The following MAP3K20 variants were observed in gnomAD, a reference collection of about 807,000 sequenced individuals.
MAP3K20 encodes the protein HCCS-4.
In MAP3K20, 40 loss-of-function variants were observed where a neutral mutation model predicts 85.7. That is an observed-to-expected ratio of 0.47 (90% confidence interval 0.36 to 0.61). The LOEUF is 0.61. Ranked by LOEUF, MAP3K20 falls within the 20% of genes least tolerant of loss-of-function variation. The pLI is 0.00. For missense variants in MAP3K20, 817 were observed against 961.7 expected (o/e 0.85, Z 1.99); for synonymous variants, 325 against 327.7 (o/e 0.99, Z 0.09).
chr2:173,122,308 C>T (rs1688318457), intron 2 of MAP3K20, among the ~76,000 whole-genome samples: 1 of 152,210 alleles, frequency 6.6e-6, no homozygotes, highest in African/African-American at 2.4e-5. Context: ...TCAGCTGGTA[C>T]CAATGTATCA....
chr2:173,167,005 C>T (rs1206506306), intron 2 of MAP3K20, among the ~76,000 whole-genome samples: 7 of 151,310 alleles, frequency 4.6e-5, no homozygotes, highest in Admixed American at 6.6e-5. Context: ...CTCCGCCTCC[C>T]GGGTTCACGC....
intron 16 of MAP3K20, among the ~76,000 whole-genome samples, chr2:173,242,092 G>A (rs1258020036): frequency 6.6e-6 from 1 of 151,748 alleles, no homozygotes; most frequent in African/African-American, 2.4e-5. Flanking sequence ...TTTAAGCTTT[G>A]TTATGGCTTG....
intron 2 of MAP3K20, among the ~76,000 whole-genome samples, chr2:173,099,797 A>AC (rs1687582580): frequency 6.6e-6 from 1 of 152,190 alleles, no homozygotes; most frequent in East Asian, 1.9e-4. Context: ...AGAAATTGCC[A>AC]CCTAAGTTTT....
intron 16 of MAP3K20, among the ~76,000 whole-genome samples, chr2:173,246,349 GCAAT>G (rs1181212443): frequency 6.6e-6 from 1 of 152,084 alleles, no homozygotes; most frequent in Admixed American, 6.5e-5. Flanking sequence ...TTTTGTTTTT[GCAAT>G]CAAAGTGCCC....
intron 1 of MAP3K20, among the ~76,000 whole-genome samples, chr2:173,088,424 T>A (rs1574000780): frequency 1.3e-5 from 2 of 152,338 alleles, no homozygotes; most frequent in South Asian, 4.1e-4. Context: ...ACTAAATTCT[T>A]GTCTTCCACA....
rs767333154 is a variant in MAP3K20, at chr2:173,258,721, T to C, written c.1382T>C (p.Met461Thr). The change falls in exon 17 of 20, where the codon ATG becomes ACG. Residue 461 changes from methionine to threonine, a missense_variant. Met to Thr is a moderately conservative substitution (Grantham distance 81). Transcript: ENST00000375213. ...CAGGATTGTAAGTGGAAAATGTATA[T>C]GGAGATGGATGGGGATGAAATTGCA... ...GPQDCKWKMY[M>T]EMDGDEIAIT... 3.7e-6 allele frequency: 6 copies of C among 1,609,340 alleles called. No homozygotes were observed. The highest frequency in any genetic ancestry group is 2.2e-5 in the South Asian group (2 of 90,762).
rs16861288 is a variant in MAP3K20 at position 173,152,319 on chromosome 2, T to C, written c.160-17486T>C. Among the ~76,000 whole-genome samples the C allele has an allele frequency of 1.5e-3, 232 of 152,326 alleles. 7 individuals are homozygous for C. The East Asian group carries it at 0.041, about 27-fold the overall frequency. On this transcript the variant is annotated intron_variant, in intron 2 of 19. Transcript: ENST00000375213. ...GGTCATATTTAGCTGATAAGCAGTA[T>C]TCAGAAAATCTCGGATTATTTTGTC...
chr2:173,257,813 T>G (rs1685195079), intron 16 of MAP3K20, among the ~76,000 whole-genome samples: 1 of 152,232 alleles, frequency 6.6e-6, no homozygotes, highest in South Asian at 2.1e-4. Context: ...CTCTAAATCT[T>G]AGCCAACATT....
chr2:173,104,346 CA>C (rs2106164239), intron 2 of MAP3K20, among the ~76,000 whole-genome samples: 1 of 152,198 alleles, frequency 6.6e-6, no homozygotes, highest in East Asian at 1.9e-4. Flanking sequence ...TCAGGCAAAC[CA>C]AAGCTGATGG....
At chr2:173,098,527 G>A (rs1220425025) in intron 2 of MAP3K20, among the ~76,000 whole-genome samples, 2 of 152,174 alleles carry the variant, frequency 1.3e-5, no homozygotes, top group East Asian at 3.8e-4. Context: ...TTCATGTTTA[G>A]CCTTGGGTCC....
intron 2 of MAP3K20, among the ~76,000 whole-genome samples, chr2:173,103,381 C>T (rs1181822152): frequency 6.6e-6 from 1 of 152,154 alleles, no homozygotes; most frequent in Non-Finnish European, 1.5e-5. Flanking sequence ...ATATACTGAC[C>T]TCAAGTGTTG....
At chr2:173,228,475 C>A (rs1219003567) in intron 11 of MAP3K20, among the ~76,000 whole-genome samples, 2 of 152,142 alleles carry the variant, frequency 1.3e-5, no homozygotes, top group Non-Finnish European at 2.9e-5. Context: ...CTATGGTATA[C>A]CCATAGACAT....
At chr2:173,170,868 C>A (rs1482335342) in intron 3 of MAP3K20, among the ~76,000 whole-genome samples, 4 of 152,162 alleles carry the variant, frequency 2.6e-5, no homozygotes, top group African/African-American at 7.2e-5. Flanking sequence ...ATTTCTCAGG[C>A]TGATTCTCCA....
At chr2:173,253,986 G>C (rs1263395308) in intron 16 of MAP3K20, among the ~76,000 whole-genome samples, 2 of 150,840 alleles carry the variant, frequency 1.3e-5, no homozygotes, top group African/African-American at 2.4e-5. Flanking sequence ...TGGGAAGATC[G>C]CTTGAGCCCT....
At chr2:173,233,804 C>G (rs1450106506) in intron 14 of MAP3K20, among the ~76,000 whole-genome samples, 2 of 152,146 alleles carry the variant, frequency 1.3e-5, no homozygotes, top group African/African-American at 4.8e-5. Flanking sequence ...GACCCTAGGT[C>G]CAGGAAGAAA....
intron 5 of MAP3K20, among the ~76,000 whole-genome samples, chr2:173,189,448 G>A (rs1455002849): frequency 6.6e-6 from 1 of 151,968 alleles, no homozygotes; most frequent in Non-Finnish European, 1.5e-5. Flanking sequence ...CTTTATCCTT[G>A]GACTCATCTC....
At chr2:173,179,702 GCGCA>G (rs1236014624) in intron 3 of MAP3K20, among the ~76,000 whole-genome samples, 2 of 76,078 alleles carry the variant, frequency 2.6e-5, no homozygotes, top group Non-Finnish European at 5.5e-5. Flanking sequence ...CCTAAGGAAT[GCGCA>G]CACACACACA....
chr2:173,198,676 G>A lies in MAP3K20; in HGVS notation c.669+564G>A, dbSNP rs547876858. The A allele has an allele frequency of 6.5e-6, 1 of 152,748 alleles. No individual in the cohort carries two copies. The highest frequency in any genetic ancestry group is 1.9e-4 in the East Asian group (1 of 5,196). The allele number at this position is 152,748 out of a possible 1,614,324, so 9.5% of individuals were successfully genotyped here. A position where few individuals can be genotyped will look rare whatever the true frequency, so the allele number is the denominator to read the frequency against. On this transcript the variant is annotated intron_variant, in intron 8 of 19. Transcript: ENST00000375213. This position sits in a 1 kb window ranked among gnomAD's most constrained non-coding sequence, Gnocchi z 5.8. ...AGATGAGCTCCTCACTGGAATTGGC[G>A]AGGCAGTGGCATAACTGTTCGCTTC...
rs1437168816 is a variant in MAP3K20, at chr2:173,266,562, C to T, written c.2215C>T (p.Gln739Ter). 8 of 1,613,626 alleles carry T rather than the reference C, an allele frequency of 5.0e-6. No homozygotes were observed. Among genetic ancestry groups the T allele is most frequent in the Non-Finnish European group, 5.9e-6 (7 of 1,179,926 alleles). The change falls in exon 20 of 20, where the codon CAA becomes TAA. Residue 739 changes from glutamine (Q) to a stop codon, truncating the protein, a stop_gained. Transcript: ENST00000375213. LOFTEE classifies it low-confidence loss of function (END_TRUNC). ...CAAGAGAAGCCCCAGGGACCTCCAC[C>T]AACCCAACACCATACCAGGGATGCC... ...DFKRSPRDLH[Q>*]PNTIPGMPLH...
Sources: allele counts gnomAD v4.1 joint callset (sites outside exome capture counted in the v4.1 genomes callset), GRCh38; gene constraint gnomAD v4.1.1; non-coding constraint Gnocchi (gnomAD v3.1); transcripts MANE v1.5; gene names NCBI Gene and HGNC (gene_info 2026-07-23, HGNC 2026-07-21).